FBXW7: variants seen among roughly 807,000 people sequenced by gnomAD.
FBXW7 encodes F-box/WD repeat-containing protein 7.
In FBXW7, 11 loss-of-function variants were observed where a neutral mutation model predicts 86.3. The ratio of observed to expected loss-of-function variants is 0.13; its 90% CI spans 0.08 to 0.21. FBXW7 has a LOEUF of 0.21. Ranked by LOEUF, FBXW7 falls within the 10% of genes least tolerant of loss-of-function variation. The pLI is 1.00. For missense variants in FBXW7, 488 were observed against 847.4 expected (o/e 0.58, Z 5.27); for synonymous variants, 313 against 297.9 (o/e 1.05, Z -0.52).
intron 2 of FBXW7, among the ~76,000 whole-genome samples, chr4:152,462,185 T>C (rs552581140): frequency 1.3e-5 from 2 of 152,344 alleles, no homozygotes; most frequent in Admixed American, 1.3e-4. Context: ...TACTGAGATG[T>C]GTGGCCTACA....
chr4:152,355,001 A>G (rs570373857), intron 4 of FBXW7, among the ~76,000 whole-genome samples: 1 of 152,222 alleles, frequency 6.6e-6, no homozygotes, highest in South Asian at 2.1e-4. Flanking sequence ...TATTTAAACA[A>G]TTCTCCCTAA....
intron 6 of FBXW7, among the ~76,000 whole-genome samples, chr4:152,346,305 G>A (rs1303100812): frequency 1.3e-5 from 2 of 152,026 alleles, no homozygotes; most frequent in African/African-American, 2.4e-5. Flanking sequence ...TAGCTAGAAT[G>A]GTTCTTAAAT....
intron 4 of FBXW7, among the ~76,000 whole-genome samples, chr4:152,355,400 C>A (rs886306923): frequency 6.6e-6 from 1 of 151,778 alleles, no homozygotes; most frequent in Non-Finnish European, 1.5e-5. Context: ...GTATTTTATG[C>A]CTTACACTAA....
intron 2 of FBXW7, among the ~76,000 whole-genome samples, chr4:152,484,391 A>G (rs1745161558): frequency 1.3e-5 from 2 of 152,098 alleles, no homozygotes; most frequent in Admixed American, 6.5e-5. Flanking sequence ...CCCTTTTTGC[A>G]GTTCAAATGC....
At chr4:152,352,628 T>A (rs2126663023) in intron 4 of FBXW7, 1 of 1,613,770 alleles carries the variant, frequency 6.2e-7, no homozygotes, top group Non-Finnish European at 8.5e-7. Context: ...GTGGACATGC[T>A]CAGGCACGTC....
chr4:152,473,994 A>G (rs763849826), intron 2 of FBXW7, among the ~76,000 whole-genome samples: 18 of 152,322 alleles, frequency 1.2e-4, no homozygotes, highest in Admixed American at 2.0e-4. Context: ...CACATATCTC[A>G]GCAAAAAAAA....
rs529905302 is a variant in FBXW7 at position 152,363,489 on chromosome 4, A to G, written c.502-13365T>C. Among the ~76,000 whole-genome samples, 65 of 152,306 alleles carry G rather than the reference A, an allele frequency of 4.3e-4. No homozygotes were observed. The Middle Eastern group carries it at 0.01, about 24-fold the overall frequency. On this transcript the variant is annotated intron_variant, in intron 4 of 13. Coordinates refer to ENST00000281708, the MANE Select transcript of FBXW7 (RefSeq NM_001349798.2). ...TTTGTATGACAATATATACAACTAG[A>G]AAGAGGAAGAGATAATATTTTCAAG...
rs1850328 is a variant in FBXW7 at position 152,443,081 on chromosome 4, G to A, written c.-119-30552C>T. Among the ~76,000 whole-genome samples, 828 of 152,224 alleles carry A rather than the reference G, an allele frequency of 5.4e-3. 7 individuals are homozygous for A. The highest frequency in any genetic ancestry group is 0.019 in the African/African-American group (775 of 41,538). On this transcript the variant is annotated intron_variant, in intron 2 of 13. Coordinates refer to ENST00000281708, the MANE Select transcript of FBXW7 (RefSeq NM_001349798.2). ...AGTTCAAGACCAGCTTGACCAACAC[G>A]GAGAAGCCCTGTCTCTACTAAAAAT... is the stretch of plus-strand genomic sequence containing the variant.
intron 2 of FBXW7, among the ~76,000 whole-genome samples, chr4:152,424,523 T>G (rs944443140): frequency 2.0e-5 from 3 of 152,206 alleles, no homozygotes; most frequent in Non-Finnish European, 4.4e-5. Flanking sequence ...TTAGATCTTT[T>G]CATTTCTGTC....
chr4:152,422,426 T>G (rs966977671), intron 2 of FBXW7, among the ~76,000 whole-genome samples: 1 of 152,170 alleles, frequency 6.6e-6, no homozygotes, highest in Admixed American at 6.6e-5. Context: ...AAGACAGACA[T>G]CAGGCATTTT....
chr4:152,523,911 G>T (rs908409788), intron 2 of FBXW7, among the ~76,000 whole-genome samples: 2 of 152,162 alleles, frequency 1.3e-5, no homozygotes, highest in Non-Finnish European at 2.9e-5. Context: ...TGGCATAGTA[G>T]GTGTTCAGTA....
intron 4 of FBXW7, among the ~76,000 whole-genome samples, chr4:152,407,437 T>C (rs1737513392): frequency 6.6e-6 from 1 of 152,202 alleles, no homozygotes; most frequent in Non-Finnish European, 1.5e-5. Context: ...CTTAAGTTGC[T>C]TGTCTTGCAG....
intron 2 of FBXW7, among the ~76,000 whole-genome samples, chr4:152,424,170 A>C (rs1739176571): frequency 6.6e-6 from 1 of 152,028 alleles, no homozygotes; most frequent in Admixed American, 6.6e-5. Context: ...CCTGGCCAGG[A>C]AGCTGCTTAT....
chr4:152,341,570 T>C (rs1730743514), intron 6 of FBXW7, among the ~76,000 whole-genome samples: 1 of 152,210 alleles, frequency 6.6e-6, no homozygotes, highest in South Asian at 2.1e-4. Flanking sequence ...TAATAAATGT[T>C]TACTGAATAA....
At chr4:152,346,797 T>C in intron 6 of FBXW7, 133 bp downstream of exon 6, 3 of 1,249,048 alleles carry the variant, frequency 2.4e-6, no homozygotes, top group South Asian at 3.3e-5. Flanking sequence ...CTTCTTTCAC[T>C]TGGCAGAATG....
At chr4:152,390,145 C>T (rs1735871910) in intron 4 of FBXW7, among the ~76,000 whole-genome samples, 1 of 149,968 alleles carries the variant, frequency 6.7e-6, no homozygotes, top group South Asian at 2.1e-4. Flanking sequence ...CTGTAGTGGT[C>T]TAAACACTAG....
chr4:152,531,047 T>G (rs555294368), intron 2 of FBXW7, among the ~76,000 whole-genome samples: 86 of 152,224 alleles, frequency 5.6e-4, no homozygotes, highest in Non-Finnish European at 9.4e-4. Context: ...TGGGGTCATC[T>G]GGTGGGTGCT....
Position 152,330,769 on chromosome 4 carries a change from T to C in FBXW7, c.1085A>G (p.Asp362Gly). 1.2e-6 allele frequency: 2 copies of C among 1,612,500 alleles called. No homozygotes were observed. Among genetic ancestry groups the C allele is most frequent in the Non-Finnish European group, 1.7e-6 (2 of 1,178,870 alleles). ...GAGTTCTCCTCGCCTCCAGTTAGTA[T>C]CAATTCTGTGCTGTCTGATGTATGC... ...KSAYIRQHRI[D>G]TNWRRGELKS... The change falls in exon 9 of 14, where the codon GAT becomes GGT. Residue 362 changes from aspartate (D) to glycine (G), a missense_variant. Physicochemically the swap from Asp to Gly is moderately conservative, Grantham distance 94 (BLOSUM62 -1). Coordinates refer to ENST00000281708, the MANE Select transcript of FBXW7 (RefSeq NM_001349798.2).
At chr4:152,512,612 G>T (rs1037521554) in intron 2 of FBXW7, among the ~76,000 whole-genome samples, 2 of 152,074 alleles carry the variant, frequency 1.3e-5, no homozygotes, top group South Asian at 4.1e-4. Context: ...TGAAAACATC[G>T]TGTTACGTGA....
Sources: allele counts gnomAD v4.1 joint callset (sites outside exome capture counted in the v4.1 genomes callset), GRCh38; gene constraint gnomAD v4.1.1; transcripts MANE v1.5; gene names NCBI Gene and HGNC (gene_info 2026-07-23, HGNC 2026-07-21).